Variants in DIAPH2 observed in about 807,000 individuals in gnomAD.
The protein encoded by DIAPH2 is diaphanous related formin 2.
In DIAPH2, 35 loss-of-function variants were observed where a neutral mutation model predicts 92.7. The ratio of observed to expected loss-of-function variants is 0.38; its 90% CI spans 0.29 to 0.50. DIAPH2 has a LOEUF of 0.50. Among genes scored for constraint, DIAPH2 ranks in the 20% least tolerant of loss-of-function variants. The probability of loss-of-function intolerance (pLI) is 0.94; values close to 1 mark genes in which losing one functional copy is unlikely to be tolerated. For synonymous variants in DIAPH2, 301 were observed against 280.4 expected (o/e 1.07, Z -0.73); for missense variants, 701 against 819.5 (o/e 0.86, Z 1.77).
chrX:96,964,891 C>A (rs185480146), intron 16 of DIAPH2, among the ~76,000 whole-genome samples: 1 of 111,376 alleles, frequency 9.0e-6, no homozygotes, highest in East Asian at 2.8e-4. Flanking sequence ...TGGTCTATTT[C>A]TATTGTTCAC....
intron 3 of DIAPH2, among the ~76,000 whole-genome samples, chrX:96,751,583 AT>A (rs997184873): frequency 2.9e-5 from 3 of 103,467 alleles, no homozygotes; most frequent in Non-Finnish European, 3.9e-5. Flanking sequence ...CTCAAAAAAA[AT>A]AATAATAATA....
chrX:97,311,466 G>A (rs1470348860), intron 23 of DIAPH2, among the ~76,000 whole-genome samples: 1 of 111,499 alleles, frequency 9.0e-6, no homozygotes, highest in Non-Finnish European at 1.9e-5. Flanking sequence ...GGGGATCAGA[G>A]TTTTTAAGGA....
chrX:97,334,006 G>A (rs979033920), intron 23 of DIAPH2, among the ~76,000 whole-genome samples: 1 of 111,219 alleles, frequency 9.0e-6, no homozygotes, highest in Non-Finnish European at 1.9e-5. Context: ...AACAGGTAAG[G>A]TCATGTTACT....
At chrX:96,717,816 GTATATATATATATATA>G (rs61272505) in intron 1 of DIAPH2, among the ~76,000 whole-genome samples, 441 of 36,372 alleles carry the variant, frequency 0.012, 5 homozygotes, top group South Asian at 0.021. Context: ...TGGGTATATA[GTATATATATATATATA>G]TATATATATA....
intron 20 of DIAPH2, among the ~76,000 whole-genome samples, chrX:97,107,488 C>T (rs1323635218): frequency 8.9e-6 from 1 of 111,889 alleles, no homozygotes; most frequent in African/African-American, 3.3e-5. Flanking sequence ...AGGAGAGGTT[C>T]TGCCCTGGAG....
chrX:97,402,958 G>A (rs1161109125), intron 25 of DIAPH2, among the ~76,000 whole-genome samples: 1 of 112,019 alleles, frequency 8.9e-6, no homozygotes, highest in Non-Finnish European at 1.9e-5. Flanking sequence ...ACCATAACTG[G>A]CTACATAATT....
At chrX:97,028,843 CT>C (rs1233217573) in intron 17 of DIAPH2, among the ~76,000 whole-genome samples, 5 of 111,660 alleles carry the variant, frequency 4.5e-5, no homozygotes, top group African/African-American at 1.6e-4. Context: ...AGTGGAATTG[CT>C]GGGTCATATA....
chrX:97,008,601 A>G (rs2066201474), intron 17 of DIAPH2, among the ~76,000 whole-genome samples: 1 of 111,337 alleles, frequency 9.0e-6, no homozygotes, highest in Admixed American at 9.5e-5. Flanking sequence ...GACTATTGTG[A>G]TCTAAGTTTT....
At chrX:96,873,874 G>A (rs1224591010) in intron 4 of DIAPH2, among the ~76,000 whole-genome samples, 2 of 110,748 alleles carry the variant, frequency 1.8e-5, no homozygotes, top group Non-Finnish European at 3.8e-5. Flanking sequence ...TTATTTCTTA[G>A]AACTGCATGC....
chrX:96,845,145 G>C (rs1314617535), intron 4 of DIAPH2, among the ~76,000 whole-genome samples: 1 of 111,359 alleles, frequency 9.0e-6, no homozygotes, highest in East Asian at 2.8e-4. Flanking sequence ...GGATTTTTAA[G>C]CTAGAAAACA....
chrX:97,020,994 C>A (rs922478121), intron 17 of DIAPH2, among the ~76,000 whole-genome samples: 2 of 111,393 alleles, frequency 1.8e-5, no homozygotes, highest in African/African-American at 6.5e-5. Context: ...CACCTACTGA[C>A]AAATATTATT....
At chrX:97,189,509 C>T (rs1002981832) in intron 22 of DIAPH2, among the ~76,000 whole-genome samples, 27 of 90,144 alleles carry the variant, frequency 3.0e-4, no homozygotes, top group Admixed American at 1.2e-3. Context: ...CTGTATATTC[C>T]TGGGTTTATC....
chrX:96,912,600 C>T lies in DIAPH2; in HGVS notation c.732+48C>T, dbSNP rs1342259044. The T allele has an allele frequency of 7.2e-6, 8 of 1,109,608 alleles. No individual in the cohort carries two copies. The East Asian group carries it at 9.3e-5, about 13-fold the overall frequency. 91.4% of individuals were successfully genotyped at this position (1,109,608 alleles called of 1,213,427 possible). ...CCTGTCACAAAAGGTGGGAACTTGC[C>T]CAACACTATGAAAGTATGAAATGAA... On this transcript the variant is annotated intron_variant, in intron 7 of 26. Transcript: ENST00000324765.
At chrX:96,973,985 G>T (rs186336186) in intron 17 of DIAPH2, among the ~76,000 whole-genome samples, 1 of 111,785 alleles carries the variant, frequency 8.9e-6, no homozygotes, top group African/African-American at 3.2e-5. Context: ...GTGTGCCACC[G>T]CACCCAGCCA....
chrX:96,830,536 A>G (rs2064846000), intron 4 of DIAPH2, among the ~76,000 whole-genome samples: 1 of 89,814 alleles, frequency 1.1e-5, no homozygotes, highest in African/African-American at 4.1e-5. Context: ...ACGCCACTGC[A>G]CTCTAGCCTG....
chrX:97,488,410 C>G (rs1323700808), intron 26 of DIAPH2, among the ~76,000 whole-genome samples: 3 of 111,864 alleles, frequency 2.7e-5, no homozygotes, highest in Non-Finnish European at 5.6e-5. Context: ...TTGTAAATTG[C>G]CTTTTCATTT....
intron 23 of DIAPH2, among the ~76,000 whole-genome samples, chrX:97,268,319 A>G (rs185111655): frequency 5.3e-5 from 6 of 112,525 alleles, no homozygotes; most frequent in African/African-American, 1.9e-4. Context: ...TGTATTATTT[A>G]TACTCTACCT....
chrX:96,946,470 C>A (rs2065739005), intron 14 of DIAPH2, among the ~76,000 whole-genome samples: 1 of 111,650 alleles, frequency 9.0e-6, no homozygotes, highest in Non-Finnish European at 1.9e-5. Context: ...ATTAGATAAT[C>A]ACTTTTGCTA....
chrX:97,258,446 G>A (rs186447845), intron 23 of DIAPH2, among the ~76,000 whole-genome samples: 8 of 110,733 alleles, frequency 7.2e-5, no homozygotes, highest in South Asian at 3.9e-4. Context: ...CGTGGCACGC[G>A]CCTGTAGTCC....
Sources: gnomAD v4.1 joint callset for allele counts (sites outside exome capture counted in the v4.1 genomes callset) on GRCh38, gnomAD v4.1.1 for gene constraint, MANE v1.5 for transcripts, NCBI Gene and HGNC (gene_info 2026-07-23, HGNC 2026-07-21) for gene names.